Variants in FRY observed in about 807,000 individuals in gnomAD.
FRY encodes protein furry homolog.
FRY carries 128 observed loss-of-function variants against 348.4 expected under a neutral mutation model. That is an observed-to-expected ratio of 0.37 (90% CI 0.32 to 0.43). The LOEUF (loss-of-function observed/expected upper bound fraction) is 0.43, where lower values mean the gene tolerates loss of function less well. FRY is among the 20% of genes least tolerant of loss of function. The pLI is 1.00. For missense variants in FRY, 2,736 were observed against 3,695.2 expected (o/e 0.74, Z 6.73); for synonymous variants, 1,370 against 1,374.7 (o/e 1.00, Z 0.08).
intron 50 of FRY, among the ~76,000 whole-genome samples, chr13:32,253,372 C>T (rs566143694): frequency 2.0e-5 from 3 of 152,274 alleles, no homozygotes; most frequent in African/African-American, 4.8e-5. Context: ...AGATGTTTAT[C>T]GTATTTAAAT....
At chr13:32,124,755 G>T in intron 6 of FRY, 40 bp from the exon 7 acceptor site, 1 of 1,547,488 alleles carries the variant, frequency 6.5e-7, no homozygotes, top group South Asian at 1.1e-5. Context: ...TTTTTCCGAT[G>T]ACCAGGGATC....
chr13:32,056,925 C>T lies in FRY; in HGVS notation c.71-21909C>T, dbSNP rs191554608. ...TAGAGAAATGTTGGGTTTATAAGAC[C>T]AATTATGAAAAAAATAAGAATCATC... On this transcript the variant is annotated intron_variant, in intron 1 of 60. Transcript: ENST00000542859. Among the ~76,000 whole-genome samples, 12 of 151,896 alleles carry T rather than the reference C, an allele frequency of 7.9e-5. No homozygotes were observed. In the East Asian group the frequency reaches 2.3e-3, roughly 29 times the overall value.
At chr13:32,054,091 T>A (rs1436121403) in intron 1 of FRY, among the ~76,000 whole-genome samples, 1 of 152,232 alleles carries the variant, frequency 6.6e-6, no homozygotes, top group Non-Finnish European at 1.5e-5. Context: ...CACTCAGAAC[T>A]GAACTCCCAT....
At chr13:32,189,044 A>G (rs1242111149) in intron 28 of FRY, among the ~76,000 whole-genome samples, 2 of 152,136 alleles carry the variant, frequency 1.3e-5, no homozygotes, top group Non-Finnish European at 2.9e-5. Context: ...ATGGTCTACC[A>G]CTGTGGGCTT....
chr13:32,105,293 G>C (rs185278471), intron 3 of FRY, among the ~76,000 whole-genome samples: 274 of 152,302 alleles, frequency 1.8e-3, no homozygotes, highest in Admixed American at 4.8e-3. Context: ...TCCATGTGAG[G>C]ACACAGTGTT....
At chr13:32,201,071 G>C (rs1016721331) in intron 29 of FRY, among the ~76,000 whole-genome samples, 15 of 152,148 alleles carry the variant, frequency 9.9e-5, no homozygotes, top group African/African-American at 3.4e-4. Context: ...AAGTCCATAG[G>C]CTGGTCATCT....
intron 57 of FRY, among the ~76,000 whole-genome samples, chr13:32,277,368 A>G (rs1221517752): frequency 6.6e-6 from 1 of 152,212 alleles, no homozygotes; most frequent in Non-Finnish European, 1.5e-5. Context: ...AGATATAACA[A>G]TTATAATAGT....
intron 36 of FRY, among the ~76,000 whole-genome samples, chr13:32,221,542 C>G (rs1885314795): frequency 6.6e-6 from 1 of 152,178 alleles, no homozygotes; most frequent in Non-Finnish European, 1.5e-5. Flanking sequence ...GAGACAGGGT[C>G]TCACCCATAG....
chr13:32,093,389 C>T (rs984084428), intron 2 of FRY, among the ~76,000 whole-genome samples: 5 of 152,146 alleles, frequency 3.3e-5, no homozygotes, highest in Non-Finnish European at 7.3e-5. Flanking sequence ...CAGACTCCCC[C>T]TCCATTTCTC....
chr13:32,153,429 A>C (rs1219812918), intron 14 of FRY, among the ~76,000 whole-genome samples: 1 of 152,208 alleles, frequency 6.6e-6, no homozygotes, highest in Non-Finnish European at 1.5e-5. Context: ...TGAAAAAAGC[A>C]AGATATAAAG....
chr13:32,203,150 A>G (rs1884140014), intron 31 of FRY, among the ~76,000 whole-genome samples: 1 of 152,220 alleles, frequency 6.6e-6, no homozygotes, highest in South Asian at 2.1e-4. Flanking sequence ...TTCTGCATAC[A>G]TTATATATAT....
intron 23 of FRY, among the ~76,000 whole-genome samples, 186 bp from the exon 24 acceptor site, chr13:32,182,791 A>G (rs990344811): frequency 2.6e-5 from 4 of 152,248 alleles, no homozygotes; most frequent in African/African-American, 9.6e-5. Flanking sequence ...CCAGTAATAC[A>G]AAGTATAGGC....
chr13:32,141,679 A>G (rs1880082242), intron 11 of FRY, among the ~76,000 whole-genome samples: 1 of 152,352 alleles, frequency 6.6e-6, no homozygotes, highest in South Asian at 2.1e-4. Flanking sequence ...CTTGAGTAAC[A>G]TTGGTCTATA....
intron 54 of FRY, among the ~76,000 whole-genome samples, chr13:32,266,054 T>C (rs915259647): frequency 1.3e-5 from 2 of 149,698 alleles, no homozygotes; most frequent in African/African-American, 4.9e-5. Flanking sequence ...ACTAGTGAGA[T>C]ATAGAAACAG....
intron 1 of FRY, among the ~76,000 whole-genome samples, chr13:32,069,403 G>A (rs980585425): frequency 3.9e-5 from 6 of 152,090 alleles, no homozygotes; most frequent in Non-Finnish European, 7.4e-5. Context: ...AAATTACAAC[G>A]TTTATGTTGT....
chr13:32,241,256 C>A (rs536545171), intron 46 of FRY, among the ~76,000 whole-genome samples: 1 of 151,672 alleles, frequency 6.6e-6, no homozygotes, highest in South Asian at 2.1e-4. Context: ...ATTTGTCTGG[C>A]TCAGTAACCA....
intron 4 of FRY, among the ~76,000 whole-genome samples, chr13:32,120,642 C>G (rs373640797): frequency 1.3e-5 from 2 of 152,148 alleles, no homozygotes; most frequent in African/African-American, 4.8e-5. Flanking sequence ...CCCAAGTCCC[C>G]GAAGTCCATT....
chr13:32,256,052 A>G (rs1424920235), intron 51 of FRY, among the ~76,000 whole-genome samples: 1 of 152,232 alleles, frequency 6.6e-6, no homozygotes, highest in African/African-American at 2.4e-5. Context: ...TCACAAATTT[A>G]GTTTCTATCA....
chr13:32,237,268 C>T lies in FRY; in HGVS notation c.5811-111C>T. The T allele has an allele frequency of 9.7e-7, 1 of 1,029,956 alleles. No individual in the cohort carries two copies. The highest frequency in any genetic ancestry group is 1.5e-6 in the Non-Finnish European group (1 of 679,022). 63.8% of individuals were successfully genotyped at this position (1,029,956 alleles called of 1,614,324 possible). On this transcript the variant is annotated intron_variant, in intron 43 of 60. Coordinates refer to ENST00000542859, the MANE Select transcript of FRY (RefSeq NM_023037.3). This position sits in a 1 kb window ranked among gnomAD's most constrained non-coding sequence, Gnocchi z 6.3. ...GGAAAAATAAATGAATAGAAAGTGG[C>T]ATTTCTAAAGAATGATTTCCCTCCT...
Sources: gnomAD v4.1 joint callset for allele counts (sites outside exome capture counted in the v4.1 genomes callset) on GRCh38, gnomAD v4.1.1 for gene constraint, Gnocchi (gnomAD v3.1) non-coding constraint, MANE v1.5 for transcripts, NCBI Gene and HGNC (gene_info 2026-07-23, HGNC 2026-07-21) for gene names.